RSRC1: variants seen among roughly 807,000 people sequenced by gnomAD.
RSRC1 encodes the protein arginine and serine rich coiled-coil 1, also known as serine/Arginine-related protein 53.
RSRC1 carries 39 observed loss-of-function variants against 49.1 expected under a neutral mutation model. The observed-to-expected ratio is 0.79, with a 90% CI of 0.61 to 1.04. The LOEUF (loss-of-function observed/expected upper bound fraction) is 1.04. RSRC1 is among the 50% of genes least tolerant of loss of function. The pLI is 0.00. For synonymous variants in RSRC1, 143 were observed against 130.8 expected (o/e 1.09, Z -0.63); for missense variants, 388 against 402.4 (o/e 0.96, Z 0.31).
intron 5 of RSRC1, among the ~76,000 whole-genome samples, chr3:158,341,514 G>A (rs1293450758): frequency 1.3e-5 from 2 of 152,196 alleles, no homozygotes; most frequent in African/African-American, 4.8e-5. Context: ...GTGCACAGAA[G>A]TCATGAATTG....
At chr3:158,181,541 A>G (rs897627925) in intron 3 of RSRC1, among the ~76,000 whole-genome samples, 1 of 152,112 alleles carries the variant, frequency 6.6e-6, no homozygotes, top group Non-Finnish European at 1.5e-5. Flanking sequence ...TGATAAAAAT[A>G]GTTCATTTTA....
chr3:158,420,401 A>T (rs1281836440), intron 6 of RSRC1, among the ~76,000 whole-genome samples: 1 of 151,908 alleles, frequency 6.6e-6, no homozygotes, highest in East Asian at 1.9e-4. Flanking sequence ...GAACCCTACA[A>T]CAGTTTGGTA....
chr3:158,202,641 G>C (rs891181015), intron 3 of RSRC1, among the ~76,000 whole-genome samples: 3 of 144,418 alleles, frequency 2.1e-5, no homozygotes, highest in Non-Finnish European at 1.5e-5. Context: ...TTACTGTAAT[G>C]CATTTAATAC....
At chr3:158,329,012 C>CT (rs1729372623) in intron 5 of RSRC1, among the ~76,000 whole-genome samples, 2 of 152,224 alleles carry the variant, frequency 1.3e-5, no homozygotes, top group South Asian at 4.1e-4. Context: ...GATACCCTTT[C>CT]TTCCAGTTGA....
intron 4 of RSRC1, among the ~76,000 whole-genome samples, chr3:158,292,320 T>G (rs1726981409): frequency 6.6e-6 from 1 of 152,200 alleles, no homozygotes. Flanking sequence ...TCATGGCAAG[T>G]ATATTAATTA....
chr3:158,200,867 T>G (rs1156476708), intron 3 of RSRC1, among the ~76,000 whole-genome samples: 1 of 152,148 alleles, frequency 6.6e-6, no homozygotes, highest in Non-Finnish European at 1.5e-5. Context: ...ATTTTTACTT[T>G]GAGCACTTAT....
Position 158,227,240 on chromosome 3 carries a change from A to G in RSRC1, c.494+23995A>G, listed in dbSNP as rs143970739. On this transcript the variant is annotated intron_variant, in intron 4 of 9. Coordinates refer to ENST00000611884, the MANE Select transcript of RSRC1 (RefSeq NM_001271838.2). ...GTTAAGAGACTTGTGTCCTAGTCCAAGCTCCAGTGCTGAATACAAACTCAG... is the reference window on the plus strand; with the variant it reads ...GTTAAGAGACTTGTGTCCTAGTCCAGGCTCCAGTGCTGAATACAAACTCAG... 2.4e-4 allele frequency among the ~76,000 whole-genome samples: 36 copies of G among 152,006 alleles called. No individual in the cohort carries two copies. In the East Asian group the frequency reaches 5.3e-3, roughly 22 times the overall value.
chr3:158,242,298 C>T (rs1426447744), intron 4 of RSRC1, among the ~76,000 whole-genome samples: 1 of 151,920 alleles, frequency 6.6e-6, no homozygotes, highest in Non-Finnish European at 1.5e-5. Flanking sequence ...TGAGAACATG[C>T]GATATTTGGT....
At chr3:158,198,637 C>T (rs1160676513) in intron 3 of RSRC1, among the ~76,000 whole-genome samples, 1 of 152,096 alleles carries the variant, frequency 6.6e-6, no homozygotes, top group Non-Finnish European at 1.5e-5. Context: ...CCGGTTGTTC[C>T]TTTCCATGTT....
chr3:158,390,630 T>C (rs1202538125), intron 6 of RSRC1, among the ~76,000 whole-genome samples: 1 of 152,140 alleles, frequency 6.6e-6, no homozygotes, highest in African/African-American at 2.4e-5. Flanking sequence ...GTAATATAAA[T>C]ACAATAATAT....
At chr3:158,341,302 ACAG>A (rs1303447672) in intron 5 of RSRC1, among the ~76,000 whole-genome samples, 1 of 152,006 alleles carries the variant, frequency 6.6e-6, no homozygotes, top group Non-Finnish European at 1.5e-5. Context: ...CCCTCCCATC[ACAG>A]GCCCAGAGAC....
chr3:158,544,272 C>A lies in RSRC1; in HGVS notation c.1002C>A (p.Ala334=). The change falls in exon 10 of 10, where the codon GCC becomes GCA. Residue 334 remains alanine, a synonymous_variant. Coordinates refer to ENST00000611884, the MANE Select transcript of RSRC1 (RefSeq NM_001271838.2). The stretch of plus-strand genomic sequence containing the variant: ...AAAGACTAATGGGCAGTCCTGTGGC[C>A]TAAGTAATATACATATAGTTGGATT... ...RQERLMGSPV[A] The A allele has an allele frequency of 6.3e-7, 1 of 1,595,110 alleles. No homozygotes were observed. The highest frequency in any genetic ancestry group is 8.6e-7 in the Non-Finnish European group (1 of 1,164,468).
At chr3:158,299,324 A>T (rs551350191) in intron 5 of RSRC1, among the ~76,000 whole-genome samples, 3 of 151,518 alleles carry the variant, frequency 2.0e-5, no homozygotes, top group Admixed American at 6.6e-5. Context: ...TTTTATTTTT[A>T]TTTATTTATT....
chr3:158,364,210 G>C (rs1190617150), intron 6 of RSRC1, among the ~76,000 whole-genome samples: 2 of 152,078 alleles, frequency 1.3e-5, no homozygotes, highest in Non-Finnish European at 2.9e-5. Flanking sequence ...ATGTTGTACT[G>C]TTTCCGGGGA....
intron 5 of RSRC1, among the ~76,000 whole-genome samples, chr3:158,317,079 A>G (rs1203183558): frequency 6.6e-6 from 1 of 152,208 alleles, no homozygotes; most frequent in Non-Finnish European, 1.5e-5. Context: ...GGCATTGCTT[A>G]TGAATACATT....
At chr3:158,401,859 T>G (rs186322560) in intron 6 of RSRC1, among the ~76,000 whole-genome samples, 2 of 152,070 alleles carry the variant, frequency 1.3e-5, no homozygotes, top group Non-Finnish European at 2.9e-5. Context: ...TAATTTAAAT[T>G]TATGAACTTA....
At chr3:158,421,579 A>C (rs1735056491) in intron 6 of RSRC1, among the ~76,000 whole-genome samples, 1 of 151,890 alleles carries the variant, frequency 6.6e-6, no homozygotes, top group African/African-American at 2.4e-5. Context: ...AGAATGGATA[A>C]AATTCAGGAT....
intron 5 of RSRC1, among the ~76,000 whole-genome samples, chr3:158,332,899 G>A (rs1211793098): frequency 6.6e-6 from 1 of 151,084 alleles, no homozygotes; most frequent in Admixed American, 6.6e-5. Context: ...TGACTGTTAT[G>A]CTACTTCCAT....
intron 7 of RSRC1, among the ~76,000 whole-genome samples, chr3:158,514,304 G>T (rs530503329): frequency 2.0e-5 from 3 of 152,100 alleles, no homozygotes; most frequent in Non-Finnish European, 2.9e-5. Context: ...CCCAAAGATT[G>T]TGGTATGTTG....
Sources: allele counts gnomAD v4.1 joint callset (sites outside exome capture counted in the v4.1 genomes callset), GRCh38; gene constraint gnomAD v4.1.1; transcripts MANE v1.5; gene names NCBI Gene and HGNC (gene_info 2026-07-23, HGNC 2026-07-21).